Variants in YES1 observed in about 807,000 individuals in gnomAD.
The protein encoded by YES1 is tyrosine-protein kinase Yes.
A neutral mutation model predicts 70.4 loss-of-function variants in YES1; 39 were observed. The ratio of observed to expected loss-of-function variants is 0.55; its 90% CI spans 0.43 to 0.72. The LOEUF (loss-of-function observed/expected upper bound fraction) is 0.72, where lower values mean the gene tolerates loss of function less well. YES1 is among the 30% of genes least tolerant of loss of function. The pLI is 0.00. For missense variants in YES1, 495 were observed against 644.8 expected (o/e 0.77, Z 2.52); for synonymous variants, 198 against 218.6 (o/e 0.91, Z 0.83).
rs184494406 is a variant in YES1 at position 722,780 on chromosome 18, C to G, written c.*1644G>C. The G allele has an allele frequency of 6.6e-6, 1 of 152,126 alleles. No homozygotes were observed. The highest frequency in any genetic ancestry group is 2.1e-4 in the South Asian group (1 of 4,826). 9.4% of individuals were successfully genotyped at this position (152,126 alleles called of 1,614,324 possible). On this transcript the variant is annotated 3_prime_UTR_variant, in exon 12 of 12. Transcript: ENST00000314574. Reference sequence around the variant, plus strand: ...TGTATTCTAAAAGGGAAAAAATGACCACCATTACATAGACTTTAGAAGTGA... The same window carrying G: ...TGTATTCTAAAAGGGAAAAAATGACGACCATTACATAGACTTTAGAAGTGA...
At chr18:762,194 C>T (rs996861981) in intron 1 of YES1, among the ~76,000 whole-genome samples, 1 of 152,226 alleles carries the variant, frequency 6.6e-6, no homozygotes, top group African/African-American at 2.4e-5. Flanking sequence ...GTGGCCCATG[C>T]CTGTAATCTC....
chr18:751,415 A>G (rs996768880), intron 3 of YES1, among the ~76,000 whole-genome samples: 1 of 152,146 alleles, frequency 6.6e-6, no homozygotes, highest in Admixed American at 6.5e-5. Context: ...CTCTTTATAA[A>G]GTTTTTTAAA....
At chr18:810,204 AAT>A (rs1431297152) in intron 1 of YES1, among the ~76,000 whole-genome samples, 1 of 152,214 alleles carries the variant, frequency 6.6e-6, no homozygotes, top group Non-Finnish European at 1.5e-5. Context: ...TTCAACTTTG[AAT>A]AAGTAAGTCT....
intron 1 of YES1, among the ~76,000 whole-genome samples, chr18:795,664 C>T (rs1906500826): frequency 6.8e-6 from 1 of 147,258 alleles, no homozygotes; most frequent in African/African-American, 2.5e-5. Flanking sequence ...AACAGAAAAC[C>T]AAACACCGTA....
intron 1 of YES1, among the ~76,000 whole-genome samples, chr18:786,534 C>CAA (rs1295427819): frequency 3.3e-5 from 5 of 150,952 alleles, no homozygotes; most frequent in Non-Finnish European, 7.4e-5. Flanking sequence ...CACACACACA[C>CAA]ACAGAGTTGC....
intron 1 of YES1, among the ~76,000 whole-genome samples, chr18:767,346 T>C (rs900029372): frequency 4.6e-5 from 7 of 152,122 alleles, no homozygotes; most frequent in African/African-American, 1.7e-4. Flanking sequence ...GGACAGAGTT[T>C]CACTATGTTG....
In YES1 at chr18:722,200, T is replaced by TA. The variant is rs1412614460; in HGVS notation, c.*2223dup. ...AATATCATAGTTCACATAAAGCCCT[T>TA]AAAAAATCTCATGTCACAAGTTGTT... is the stretch of plus-strand genomic sequence containing the variant. On this transcript the variant is annotated 3_prime_UTR_variant, in exon 12 of 12. Coordinates refer to ENST00000314574, the MANE Select transcript of YES1 (RefSeq NM_005433.4). The TA allele has an allele frequency of 1.3e-5, 2 of 152,584 alleles. No homozygotes were observed. Among genetic ancestry groups the TA allele is most frequent in the Non-Finnish European group, 2.9e-5 (2 of 68,024 alleles). The allele number at this position is 152,584 out of a possible 1,614,324, so 9.5% of individuals were successfully genotyped here.
intron 11 of YES1, among the ~76,000 whole-genome samples, chr18:729,377 T>C (rs12185420): frequency 0.13 from 19,637 of 151,820 alleles, 1,378 homozygotes; most frequent in East Asian, 0.27. Context: ...ATCGTGCCAC[T>C]GTACTCCAGC....
chr18:793,874 G>A (rs557196946), intron 1 of YES1, among the ~76,000 whole-genome samples: 2 of 152,180 alleles, frequency 1.3e-5, no homozygotes, highest in South Asian at 2.1e-4. Context: ...AAAAAATGGT[G>A]ACACTAACAG....
At chr18:747,793 A>C in intron 4 of YES1, 127 bp downstream of exon 4, 1 of 742,326 alleles carries the variant, frequency 1.3e-6, no homozygotes, top group Non-Finnish European at 2.1e-6. Flanking sequence ...ACATCTATTA[A>C]TATGATACAT....
chr18:770,191 G>T (rs988234569), intron 1 of YES1, among the ~76,000 whole-genome samples: 1 of 151,450 alleles, frequency 6.6e-6, no homozygotes, highest in Non-Finnish European at 1.5e-5. Context: ...ATCTCCTGAC[G>T]TCGTGATCTG....
intron 2 of YES1, among the ~76,000 whole-genome samples, chr18:754,029 G>C (rs550802453): frequency 6.6e-6 from 1 of 152,016 alleles, no homozygotes; most frequent in African/African-American, 2.4e-5. Flanking sequence ...TTTCTCACAG[G>C]GACTGGGTGG....
intron 1 of YES1, among the ~76,000 whole-genome samples, chr18:769,476 G>A (rs1015566254): frequency 1.3e-5 from 2 of 152,174 alleles, no homozygotes; most frequent in Admixed American, 6.5e-5. Context: ...CAAGTGAGGA[G>A]AGAATATCTA....
At chr18:762,180 C>T (rs1041162147) in intron 1 of YES1, among the ~76,000 whole-genome samples, 6 of 152,160 alleles carry the variant, frequency 3.9e-5, no homozygotes, top group African/African-American at 1.2e-4. Flanking sequence ...ATTAGCTGGG[C>T]GTGGTGGCCC....
chr18:740,659 C>A (rs1282873766), intron 8 of YES1, among the ~76,000 whole-genome samples: 1 of 152,048 alleles, frequency 6.6e-6, no homozygotes, highest in African/African-American at 2.4e-5. Flanking sequence ...TATAAAGGGA[C>A]AAGTGCTAAG....
intron 1 of YES1, among the ~76,000 whole-genome samples, chr18:760,966 C>G (rs925980984): frequency 2.0e-5 from 3 of 152,026 alleles, no homozygotes; most frequent in Non-Finnish European, 4.4e-5. Context: ...AACAGAAAAA[C>G]ATGAAAACCT....
intron 1 of YES1, among the ~76,000 whole-genome samples, chr18:791,607 A>G (rs1182715113): frequency 6.6e-6 from 1 of 152,220 alleles, no homozygotes; most frequent in Non-Finnish European, 1.5e-5. Context: ...CACATATGCA[A>G]TTTTAAATTT....
At chr18:746,998 C>T (rs908316043) in intron 4 of YES1, among the ~76,000 whole-genome samples, 2 of 152,116 alleles carry the variant, frequency 1.3e-5, no homozygotes, top group African/African-American at 2.4e-5. Context: ...TCAGTGTGTA[C>T]TTGCTAAAAG....
rs182677249 is a variant in YES1, at chr18:763,883, A to G, written c.-8-7048T>C. 2.8e-3 allele frequency among the ~76,000 whole-genome samples: 429 copies of G among 152,084 alleles called. 1 individual carries two copies. The highest frequency in any genetic ancestry group is 4.5e-3 in the Non-Finnish European group (304 of 67,978). ...ACATCTGTAATCCCAGCACTTTGGG[A>G]GGCCGAGGCGGGCAGATCATGAGGT... On this transcript the variant is annotated intron_variant, in intron 1 of 11. Coordinates refer to ENST00000314574, the MANE Select transcript of YES1 (RefSeq NM_005433.4).
Sources: allele counts gnomAD v4.1 joint callset (sites outside exome capture counted in the v4.1 genomes callset), GRCh38; gene constraint gnomAD v4.1.1; transcripts MANE v1.5; gene names NCBI Gene and HGNC (gene_info 2026-07-23, HGNC 2026-07-21).